USP7: variants seen among roughly 807,000 people sequenced by gnomAD.
USP7 encodes ubiquitin C-terminal hydrolase 7.
Under a neutral mutation model 162.9 loss-of-function variants are expected in USP7, and 9 were observed. The ratio of observed to expected loss-of-function variants is 0.06; its 90% CI spans 0.03 to 0.10. USP7 has a LOEUF of 0.10. USP7 is among the 10% of genes least tolerant of loss of function. The probability of loss-of-function intolerance (pLI) is 1.00; values close to 1 mark genes in which losing one functional copy is unlikely to be tolerated. For synonymous variants in USP7, 562 were observed against 475.9 expected, an observed-to-expected ratio of 1.18 and a Z score of -2.35; for missense variants, 715 against 1,373.7, an observed-to-expected ratio of 0.52 and a Z score of 7.58.
intron 27 of USP7, 121 bp from the exon 28 acceptor site, chr16:8,895,271 C>T (rs1419876011): frequency 6.8e-7 from 1 of 1,470,976 alleles, no homozygotes; most frequent in Non-Finnish European, 9.2e-7. Context: ...TAAAAAAACG[C>T]CACACCTGGA....
intron 6 of USP7, among the ~76,000 whole-genome samples, 186 bp from the exon 7 acceptor site, chr16:8,917,342 G>C (rs1369467446): frequency 6.6e-6 from 1 of 152,124 alleles, no homozygotes; most frequent in Non-Finnish European, 1.5e-5. Context: ...ACGTCTTTAG[G>C]GATACTGGAA....
At chr16:8,955,079 C>A (rs766726571) in intron 1 of USP7, among the ~76,000 whole-genome samples, 6 of 152,228 alleles carry the variant, frequency 3.9e-5, no homozygotes, top group Admixed American at 2.0e-4. Context: ...ATCACCTATA[C>A]CCACTTTCTA....
chr16:8,917,290 T>C (rs1897424058), intron 6 of USP7, 134 bp from the exon 7 acceptor site: 8 of 1,061,770 alleles, frequency 7.5e-6, no homozygotes, highest in Non-Finnish European at 1.0e-5. Context: ...GTTAGGGCTT[T>C]TAACGATCCC....
At chr16:8,906,899 CAT>C (rs774051943) in intron 12 of USP7, among the ~76,000 whole-genome samples, 5 of 152,184 alleles carry the variant, frequency 3.3e-5, no homozygotes, top group Non-Finnish European at 7.3e-5. Context: ...TTCAGAAAGA[CAT>C]GTAAAAATAT....
intron 4 of USP7, 66 bp downstream of exon 4, chr16:8,921,091 C>A: frequency 2.6e-6 from 4 of 1,518,910 alleles, no homozygotes; most frequent in South Asian, 2.6e-5. Flanking sequence ...CTTGAAAAAT[C>A]AAAAAGTTAA....
chr16:8,959,781 T>TA (rs776594063), intron 1 of USP7, among the ~76,000 whole-genome samples: 5 of 152,180 alleles, frequency 3.3e-5, no homozygotes, highest in African/African-American at 4.8e-5. Context: ...AGCAGAAAAG[T>TA]AACTGCACAA....
At chr16:8,944,914 C>A (rs369744312) in intron 1 of USP7, among the ~76,000 whole-genome samples, 14 of 151,888 alleles carry the variant, frequency 9.2e-5, no homozygotes, top group African/African-American at 3.2e-4. Flanking sequence ...TCGAGATCAG[C>A]CTGGCCAATA....
intron 1 of USP7, chr16:8,962,691 G>A (rs902745966): frequency 1.5e-4 from 30 of 197,298 alleles, no homozygotes; most frequent in Admixed American, 7.2e-4. Context: ...AGGTATTTTC[G>A]AACGTAAGCC....
At chr16:8,895,188 A>C (rs1487631376) in intron 27 of USP7, 38 bp from the exon 28 acceptor site, 1 of 1,613,838 alleles carries the variant, frequency 6.2e-7, no homozygotes, top group Non-Finnish European at 8.5e-7. Flanking sequence ...CTGTAAGTGC[A>C]AGTGATGTGG....
In USP7 at chr16:8,904,536, C is replaced by G; in HGVS notation, c.1603G>C (p.Asp535His). 2 of 1,614,142 alleles carry G rather than the reference C, an allele frequency of 1.2e-6. No individual in the cohort carries two copies. Among genetic ancestry groups the G allele is most frequent in the Admixed American group, 1.7e-5 (1 of 60,024 alleles). The change falls in exon 15 of 31, where the codon GAT becomes CAT. Residue 535 changes from aspartate to histidine, a missense_variant. Coordinates refer to ENST00000344836, the MANE Select transcript of USP7 (RefSeq NM_003470.3). ...SEVLQAVTDHDIPQQLVERLQ... is the reference protein window; with the variant it reads ...SEVLQAVTDHHIPQQLVERLQ... ...CGCTCCACCAACTGCTGAGGAATATCATGGTCGGTGACCGCCTGTAAAACT... is the reference window on the plus strand; with the variant it reads ...CGCTCCACCAACTGCTGAGGAATATGATGGTCGGTGACCGCCTGTAAAACT...
chr16:8,917,521 G>A (rs1897440838), intron 6 of USP7, among the ~76,000 whole-genome samples: 1 of 152,178 alleles, frequency 6.6e-6, no homozygotes, highest in Middle Eastern at 3.4e-3. Flanking sequence ...TGGAATTACA[G>A]GCACGCACCA....
Position 8,900,595 on chromosome 16 carries a change from G to C in USP7, c.2244C>G (p.Asp748Glu). 1 of 1,611,438 alleles carries C rather than the reference G, an allele frequency of 6.2e-7. No individual in the cohort carries two copies. The highest frequency in any genetic ancestry group is 8.5e-7 in the Non-Finnish European group (1 of 1,179,462). Residue 748 changes from aspartate (D) to glutamate (E), a missense_variant, in exon 21 of 31, where the codon GAC becomes GAG. This residue lies in a region of USP7 where 222 missense variants were observed against 441.7 expected (regional missense o/e 0.50). Transcript: ENST00000344836. ...VKPNLTERIQ[D>E]YDVSLDKALD... ...GGGCTTTATCAAGAGACACGTCATA[G>C]TCCTGAATTCTCTCTGTTAAATTCG...
At chr16:8,923,688 CT>C (rs1392093248) in intron 2 of USP7, among the ~76,000 whole-genome samples, 2 of 152,208 alleles carry the variant, frequency 1.3e-5, no homozygotes, top group Non-Finnish European at 2.9e-5. Flanking sequence ...ACAATGTCTA[CT>C]TTACTAAAGC....
At chr16:8,926,026 C>T (rs1314910466) in intron 2 of USP7, among the ~76,000 whole-genome samples, 2 of 152,044 alleles carry the variant, frequency 1.3e-5, no homozygotes, top group East Asian at 3.9e-4. Context: ...CAGAGGCTGG[C>T]GCCTGTAGTC....
intron 11 of USP7, among the ~76,000 whole-genome samples, chr16:8,909,685 TGGGAGGCCGA>T (rs2061914044): frequency 6.6e-6 from 1 of 152,172 alleles, no homozygotes; most frequent in Admixed American, 6.5e-5. Flanking sequence ...CCCAGCACTT[TGGGAGGCCGA>T]GGCAGGCGGA....
Position 8,893,753 on chromosome 16 carries a change from A to T in USP7, c.*245T>A, listed in dbSNP as rs369738470. The T allele has an allele frequency of 1.1e-5, 5 of 453,052 alleles. No homozygotes were observed. The highest frequency in any genetic ancestry group is 1.6e-5 in the Non-Finnish European group (4 of 244,952). 28.1% of individuals were successfully genotyped at this position (453,052 alleles called of 1,614,324 possible). A position where few individuals can be genotyped will look rare whatever the true frequency, so the allele number is the denominator to read the frequency against. ...CCCATTGCGCTGACAGTTGCCTTGC[A>T]CTGTGGTTACCATAAAATAACTCTC... On this transcript the variant is annotated 3_prime_UTR_variant, in exon 31 of 31. Transcript: ENST00000344836.
In USP7 at chr16:8,923,661, C is replaced by A. The variant is rs553309946; in HGVS notation, c.185-248G>T. Among the ~76,000 whole-genome samples, 6 of 152,352 alleles carry A rather than the reference C, an allele frequency of 3.9e-5. No homozygotes were observed. The East Asian group carries it at 1.2e-3, about 29-fold the overall frequency. The stretch of plus-strand genomic sequence containing the variant: ...CCATACACTTGCCATCCCTGTCAGA[C>A]TGAGTTCCACATGAGAACAATGTCT... On this transcript the variant is annotated intron_variant, in intron 2 of 30. Transcript: ENST00000344836.
rs377382415 is a variant in USP7 at position 8,902,207 on chromosome 16, T to C, written c.1942-20A>G. ...AATCATCTATTTCCAAAAGAGACGC[T>C]GATTTTAGAAGAGTCTAATGGCTTA... On this transcript the variant is annotated intron_variant, in intron 17 of 30. Transcript: ENST00000344836. The C allele has an allele frequency of 6.2e-7, 1 of 1,612,608 alleles. No individual in the cohort carries two copies. Among genetic ancestry groups the C allele is most frequent in the African/African-American group, 1.3e-5 (1 of 74,874 alleles).
intron 10 of USP7, among the ~76,000 whole-genome samples, chr16:8,913,479 C>A (rs2061980891): frequency 6.6e-6 from 1 of 152,020 alleles, no homozygotes. Flanking sequence ...CAGCCCACTT[C>A]TCAGAAATGA....
Sources: allele counts gnomAD v4.1 joint callset (sites outside exome capture counted in the v4.1 genomes callset), GRCh38; gene constraint gnomAD v4.1.1; regional missense constraint gnomAD v4.1.1; transcripts MANE v1.5; gene names NCBI Gene and HGNC (gene_info 2026-07-23, HGNC 2026-07-21).